Variants in RORA observed in about 807,000 individuals in gnomAD.
The protein encoded by RORA is RAR related orphan receptor A, also known as nuclear receptor ROR-alpha.
Under a neutral mutation model 69.5 loss-of-function variants are expected in RORA, and 7 were observed. The observed-to-expected ratio is 0.10, with a 90% CI of 0.06 to 0.19. RORA has a LOEUF of 0.19. Ranked by LOEUF, RORA falls within the 10% of genes least tolerant of loss-of-function variation. RORA has a pLI of 1.00. For missense variants in RORA, 457 were observed against 663.0 expected (o/e 0.69, Z 3.41); for synonymous variants, 261 against 240.8 (o/e 1.08, Z -0.78).
intron 1 of RORA, among the ~76,000 whole-genome samples, chr15:61,063,851 T>C (rs946995365): frequency 3.3e-5 from 5 of 152,222 alleles, no homozygotes; most frequent in African/African-American, 4.8e-5. Flanking sequence ...TGAGCCAGCA[T>C]TGCAGAATAG....
chr15:60,812,728 C>T (rs920343525), intron 1 of RORA, among the ~76,000 whole-genome samples: 8 of 152,158 alleles, frequency 5.3e-5, no homozygotes, highest in African/African-American at 9.7e-5. Flanking sequence ...GTAGCAGTGT[C>T]GTCTGAGAGT....
chr15:60,810,924 C>T (rs886806137), intron 1 of RORA, among the ~76,000 whole-genome samples: 3 of 152,162 alleles, frequency 2.0e-5, no homozygotes, highest in Non-Finnish European at 2.9e-5. Context: ...AGGCCATTTC[C>T]TTGGGGAGCC....
At chr15:61,014,126 G>C (rs543731578) in intron 1 of RORA, among the ~76,000 whole-genome samples, 8 of 152,274 alleles carry the variant, frequency 5.3e-5, no homozygotes, top group Middle Eastern at 3.4e-3. Context: ...AGTACTCTTG[G>C]TCAAGTAGAT....
intron 2 of RORA, among the ~76,000 whole-genome samples, chr15:60,581,636 A>C (rs938414146): frequency 2.0e-5 from 3 of 152,344 alleles, no homozygotes; most frequent in African/African-American, 7.2e-5. Context: ...TTTTCTTTTC[A>C]AACTCCTTTA....
intron 1 of RORA, among the ~76,000 whole-genome samples, chr15:60,980,012 G>A (rs552933316): frequency 1.8e-4 from 28 of 152,248 alleles, no homozygotes; most frequent in African/African-American, 6.7e-4. Context: ...TTAGCTGTGG[G>A]TTTTTCATAG....
intron 1 of RORA, among the ~76,000 whole-genome samples, chr15:61,193,549 C>T (rs1231741296): frequency 6.6e-6 from 1 of 152,190 alleles, no homozygotes; most frequent in African/African-American, 2.4e-5. Context: ...TTGATCTCCT[C>T]CTTAAACTTT....
intron 1 of RORA, among the ~76,000 whole-genome samples, chr15:60,805,412 G>A (rs1279120627): frequency 6.6e-6 from 1 of 152,228 alleles, no homozygotes; most frequent in African/African-American, 2.4e-5. Context: ...TGTAGGAAAT[G>A]CAGGGAGAAG....
intron 1 of RORA, among the ~76,000 whole-genome samples, chr15:61,196,165 T>C (rs1472593494): frequency 6.6e-6 from 1 of 152,222 alleles, no homozygotes; most frequent in East Asian, 1.9e-4. Flanking sequence ...GTTACGTAAT[T>C]TTGCCCCATT....
chr15:60,926,436 G>A (rs1260359854), intron 1 of RORA, among the ~76,000 whole-genome samples: 2 of 152,224 alleles, frequency 1.3e-5, no homozygotes, highest in African/African-American at 2.4e-5. Flanking sequence ...AGATTATAGA[G>A]TTATCCCAGC....
At chr15:61,074,461 TTC>T (rs1229436948) in intron 1 of RORA, among the ~76,000 whole-genome samples, 32 of 152,212 alleles carry the variant, frequency 2.1e-4, no homozygotes, top group Non-Finnish European at 2.9e-5. Context: ...ATGGCAATTA[TTC>T]TGTTACTTCA....
chr15:61,049,079 A>C (rs1897177426), intron 1 of RORA, among the ~76,000 whole-genome samples: 2 of 152,194 alleles, frequency 1.3e-5, no homozygotes, highest in Admixed American at 1.3e-4. Flanking sequence ...ACATCTGCTG[A>C]AGTTGACTGG....
At chr15:60,693,583 C>A (rs572147129) in intron 1 of RORA, among the ~76,000 whole-genome samples, 7 of 152,332 alleles carry the variant, frequency 4.6e-5, no homozygotes, top group Admixed American at 1.3e-4. Flanking sequence ...AGCTGATAAG[C>A]AACCTCAGCA....
chr15:60,936,969 G>T (rs978243917), intron 1 of RORA, among the ~76,000 whole-genome samples: 1 of 152,130 alleles, frequency 6.6e-6, no homozygotes, highest in African/African-American at 2.4e-5. Context: ...GAAGGAAAGG[G>T]TATAGGTCTT....
chr15:60,988,001 C>T (rs1334177111), intron 1 of RORA, among the ~76,000 whole-genome samples: 1 of 152,178 alleles, frequency 6.6e-6, no homozygotes, highest in African/African-American at 2.4e-5. Context: ...TCCTTTTCTT[C>T]GTGGCAGCTT....
At position 61,229,144 on chromosome 15, in the gene RORA, G is replaced by A. The variant is rs1453832118; in HGVS notation, c.75C>T (p.Gly25=). The change falls in exon 1 of 11, where the codon GGC becomes GGT. Residue 25 remains glycine (G), a synonymous_variant. Transcript: ENST00000335670. ...CCTGGTTCAGCGGGGTCTCCCTGGA[G>A]CCGGCGGCCGCGTCCGCGCCGCTGC... ...PGSSGADAAA[G]SRETPLNQES... is the part of the protein sequence containing the mutation. The A allele has an allele frequency of 6.5e-7, 1 of 1,543,554 alleles. No homozygotes were observed. The highest frequency in any genetic ancestry group is 8.7e-7 in the Non-Finnish European group (1 of 1,145,230).
chr15:60,702,994 C>G (rs1014433003), intron 1 of RORA, among the ~76,000 whole-genome samples: 2 of 152,104 alleles, frequency 1.3e-5, no homozygotes, highest in African/African-American at 4.8e-5. Context: ...AGTTTAGGAG[C>G]CTTGCTATTT....
In RORA at chr15:60,537,068, C is replaced by CT. The variant is rs1250012515; in HGVS notation, c.197-5218dup. Among the ~76,000 whole-genome samples, 1 of 152,198 alleles carries CT rather than the reference C, an allele frequency of 6.6e-6. No individual in the cohort carries two copies. The highest frequency in any genetic ancestry group is 1.5e-5 in the Non-Finnish European group (1 of 68,036). On this transcript the variant is annotated intron_variant, in intron 2 of 10. Coordinates refer to ENST00000335670, the MANE Select transcript of RORA (RefSeq NM_134261.3). The surrounding 1 kb of genome is among the most constrained non-coding windows in gnomAD (Gnocchi z 4.9). ...GCTTGAGTCCTTTATGGATTAGTCA[C>CT]TTTATTTTATCCCCTGTTTAAAACT... is the stretch of plus-strand genomic sequence containing the variant.
At chr15:61,097,411 T>C (rs927651115) in intron 1 of RORA, among the ~76,000 whole-genome samples, 1 of 152,166 alleles carries the variant, frequency 6.6e-6, no homozygotes, top group Non-Finnish European at 1.5e-5. Flanking sequence ...CCTCTTTCTC[T>C]GACCTCAGTT....
At chr15:60,692,230 C>T (rs570812413) in intron 1 of RORA, among the ~76,000 whole-genome samples, 2 of 152,136 alleles carry the variant, frequency 1.3e-5, no homozygotes, top group African/African-American at 2.4e-5. Flanking sequence ...AAAAAATACA[C>T]TTTATTTTTA....
Sources: gnomAD v4.1 joint callset for allele counts (sites outside exome capture counted in the v4.1 genomes callset) on GRCh38, gnomAD v4.1.1 for gene constraint, Gnocchi (gnomAD v3.1) non-coding constraint, MANE v1.5 for transcripts, NCBI Gene and HGNC (gene_info 2026-07-23, HGNC 2026-07-21) for gene names.